Variants in NRCAM observed in about 807,000 individuals in gnomAD.
The protein encoded by NRCAM is neuronal cell adhesion molecule.
A neutral mutation model predicts 156.5 loss-of-function variants in NRCAM; 83 were observed. That is an observed-to-expected ratio of 0.53 (90% CI 0.44 to 0.64). The LOEUF is 0.64. Ranked by LOEUF, NRCAM falls within the 30% of genes least tolerant of loss-of-function variation. The probability of loss-of-function intolerance (pLI) is 0.00; values close to 1 mark genes in which losing one functional copy is unlikely to be tolerated. For synonymous variants in NRCAM, 538 were observed against 563.9 expected (o/e 0.95, Z 0.65); for missense variants, 1,417 against 1,597.3 (o/e 0.89, Z 1.92).
At chr7:108,379,830 A>G (rs1015941511) in intron 2 of NRCAM, among the ~76,000 whole-genome samples, 1 of 152,204 alleles carries the variant, frequency 6.6e-6, no homozygotes, top group Non-Finnish European at 1.5e-5. Flanking sequence ...AGTTGCCCAT[A>G]TTACAGCACG....
chr7:108,250,878 T>C (rs1444093301), intron 3 of NRCAM, among the ~76,000 whole-genome samples: 1 of 152,114 alleles, frequency 6.6e-6, no homozygotes, highest in Non-Finnish European at 1.5e-5. Context: ...CATAAATATA[T>C]ACACCTACTA....
chr7:108,303,165 T>C (rs1212713583), intron 3 of NRCAM, among the ~76,000 whole-genome samples: 1 of 152,128 alleles, frequency 6.6e-6, no homozygotes, highest in Non-Finnish European at 1.5e-5. Flanking sequence ...TTTCACCATG[T>C]TGGCCAGGCT....
chr7:108,358,367 T>A (rs1313478956), intron 2 of NRCAM, among the ~76,000 whole-genome samples: 1 of 151,960 alleles, frequency 6.6e-6, no homozygotes, highest in Non-Finnish European at 1.5e-5. Flanking sequence ...GTTATACCAC[T>A]GCACTCTAGC....
chr7:108,246,519 G>A (rs980607670), intron 3 of NRCAM, among the ~76,000 whole-genome samples: 2 of 152,158 alleles, frequency 1.3e-5, no homozygotes, highest in Admixed American at 6.5e-5. Flanking sequence ...GCATGAGTAA[G>A]CAAAAGATAT....
chr7:108,392,044 T>G (rs1345205925), intron 2 of NRCAM, among the ~76,000 whole-genome samples: 2 of 152,320 alleles, frequency 1.3e-5, no homozygotes, highest in African/African-American at 4.8e-5. Flanking sequence ...ATCTGACAAT[T>G]ATGTGTCTTG....
chr7:108,269,966 C>G (rs1193421176), intron 3 of NRCAM, among the ~76,000 whole-genome samples: 4 of 152,180 alleles, frequency 2.6e-5, no homozygotes, highest in African/African-American at 9.6e-5. Context: ...ACAGGTTTAT[C>G]TAATTTTACA....
chr7:108,378,692 C>G (rs1352660338), intron 2 of NRCAM, among the ~76,000 whole-genome samples: 1 of 139,860 alleles, frequency 7.2e-6, no homozygotes. Flanking sequence ...CACACACAAA[C>G]TCCAAGACAC....
At chr7:108,413,114 C>A (rs1425760712) in intron 1 of NRCAM, among the ~76,000 whole-genome samples, 1 of 152,128 alleles carries the variant, frequency 6.6e-6, no homozygotes, top group African/African-American at 2.4e-5. Context: ...ATACTACTTT[C>A]CATAATTGCT....
intron 2 of NRCAM, among the ~76,000 whole-genome samples, chr7:108,381,466 C>T (rs1397411421): frequency 6.6e-6 from 1 of 151,734 alleles, no homozygotes; most frequent in Non-Finnish European, 1.5e-5. Context: ...TATCCAAGGG[C>T]AAATAGCGTT....
At chr7:108,254,177 A>C (rs1352743171) in intron 3 of NRCAM, among the ~76,000 whole-genome samples, 2 of 152,250 alleles carry the variant, frequency 1.3e-5, no homozygotes, top group African/African-American at 4.8e-5. Flanking sequence ...AAAAGAAACC[A>C]ACAAGAAAAT....
intron 2 of NRCAM, among the ~76,000 whole-genome samples, chr7:108,371,696 G>T (rs759095154): frequency 6.6e-6 from 1 of 152,110 alleles, no homozygotes; most frequent in Non-Finnish European, 1.5e-5. Context: ...AGATTACTCA[G>T]CTGGAGTCCA....
chr7:108,424,225 A>G (rs1402897867), intron 1 of NRCAM, among the ~76,000 whole-genome samples: 1 of 152,206 alleles, frequency 6.6e-6, no homozygotes, highest in Non-Finnish European at 1.5e-5. Context: ...GGAGTGGGGC[A>G]TCGAAGAGAG....
chr7:108,251,607 C>A (rs1341130974), intron 3 of NRCAM, among the ~76,000 whole-genome samples: 1 of 152,162 alleles, frequency 6.6e-6, no homozygotes, highest in Admixed American at 6.5e-5. Flanking sequence ...AAAATTAGAT[C>A]CTTTGAGGCT....
At chr7:108,422,512 C>A (rs6944286) in intron 1 of NRCAM, among the ~76,000 whole-genome samples, 143,900 of 152,300 alleles carry the variant, frequency 0.94, 68,040 homozygotes, top group East Asian at 1. Flanking sequence ...CAAACTGAGA[C>A]GCAGAGTGTG....
rs777855116 is a variant in NRCAM, at chr7:108,257,005, G to GAAAAAA, written c.-106-16841_-106-16836dup. Among the ~76,000 whole-genome samples, 5 of 49,914 alleles carry GAAAAAA rather than the reference G, an allele frequency of 1.0e-4. No homozygotes were observed. In the East Asian group the frequency reaches 2.5e-3, roughly 25 times the overall value. The allele number at this position is 49,914 out of a possible 152,430, so 32.7% of individuals were successfully genotyped here. The stretch of plus-strand genomic sequence containing the variant: ...GCCTGGGTGGCAAAGGAAGACTGTC[G>GAAAAAA]AAAAAAAAAAAAAAGAAAAAGAAAA... On this transcript the variant is annotated intron_variant, in intron 3 of 32. Coordinates refer to ENST00000379028, the MANE Select transcript of NRCAM (RefSeq NM_001037132.4).
chr7:108,337,159 T>TA (rs2099204434), intron 2 of NRCAM, among the ~76,000 whole-genome samples: 1 of 151,212 alleles, frequency 6.6e-6, no homozygotes, highest in Non-Finnish European at 1.5e-5. Context: ...GCTACTCAGG[T>TA]AGGTAAGGTG....
At chr7:108,176,197 C>CTG (rs1385528250) in intron 27 of NRCAM, among the ~76,000 whole-genome samples, 1 of 152,122 alleles carries the variant, frequency 6.6e-6, no homozygotes, top group African/African-American at 2.4e-5. Context: ...TGCTTACTCA[C>CTG]TCCCACACTA....
At chr7:108,268,613 CGG>C (rs1473356698) in intron 3 of NRCAM, among the ~76,000 whole-genome samples, 2 of 1,328 alleles carry the variant, frequency 1.5e-3, no homozygotes, top group Non-Finnish European at 3.8e-3. Context: ...ATGAGCGGGG[CGG>C]GGGTGGGGGT....
chr7:108,233,621 C>G (rs1454686357), intron 6 of NRCAM, among the ~76,000 whole-genome samples: 1 of 152,108 alleles, frequency 6.6e-6, no homozygotes, highest in African/African-American at 2.4e-5. Context: ...ATTAACATAG[C>G]CGAATATATT....
Sources: allele counts gnomAD v4.1 joint callset (sites outside exome capture counted in the v4.1 genomes callset), GRCh38; gene constraint gnomAD v4.1.1; transcripts MANE v1.5; gene names NCBI Gene and HGNC (gene_info 2026-07-23, HGNC 2026-07-21).